The following C2orf76 variants were observed in gnomAD, a reference collection of about 807,000 sequenced individuals.
The protein encoded by C2orf76 is chromosome 2 open reading frame 76, also known as UPF0538 protein C2orf76.
A neutral mutation model predicts 16.9 loss-of-function variants in C2orf76; 23 were observed. That is an observed-to-expected ratio of 1.36 (90% CI 0.98 to 1.93). The LOEUF (loss-of-function observed/expected upper bound fraction) is 1.93. Among genes scored for constraint, C2orf76 ranks in the 30% most tolerant of loss-of-function variants. The pLI is 0.00. For synonymous variants in C2orf76, 48 were observed against 52.3 expected, an observed-to-expected ratio of 0.92 and a Z score of 0.35; for missense variants, 152 against 152.6, an observed-to-expected ratio of 1.00 and a Z score of 0.02.
chr2:119,336,308 G>A (rs780258872), intron 2 of C2orf76, among the ~76,000 whole-genome samples: 8 of 152,026 alleles, frequency 5.3e-5, no homozygotes, highest in Non-Finnish European at 8.8e-5. Context: ...CAGGAGAATC[G>A]CTTCAATTCA....
At chr2:119,298,389 A>G (rs962456227), downstream of C2orf76, among the ~76,000 whole-genome samples, 1 of 151,762 alleles carries the variant, frequency 6.6e-6, no homozygotes, top group Non-Finnish European at 1.5e-5. Context: ...TTTATTAGCT[A>G]TTGTTTCCAT....
the C2orf76 span, among the ~76,000 whole-genome samples, chr2:119,282,626 C>T: frequency 6.6e-6 from 1 of 152,168 alleles, no homozygotes; most frequent in African/African-American, 2.4e-5. Context: ...CCGTCTCTGC[C>T]GGCCCTGACG....
upstream of C2orf76, chr2:119,366,932 G>T: frequency 7.7e-7 from 1 of 1,301,704 alleles, no homozygotes; most frequent in South Asian, 1.2e-5. Context: ...GTGCTCGCCC[G>T]AGCAGGGTTG....
At chr2:119,334,202 G>A (rs1367026471) in intron 2 of C2orf76, among the ~76,000 whole-genome samples, 1 of 152,060 alleles carries the variant, frequency 6.6e-6, no homozygotes, top group Non-Finnish European at 1.5e-5. Context: ...AACAAAATCA[G>A]TAGTTGCCAA....
At chr2:119,290,925 G>C in the C2orf76 span, among the ~76,000 whole-genome samples, 1 of 152,134 alleles carries the variant, frequency 6.6e-6, no homozygotes, top group Admixed American at 6.6e-5. Flanking sequence ...TCTACAAGCT[G>C]ATGGCTTTGA....
At chr2:119,329,147 T>C (rs1679596995) in intron 2 of C2orf76, among the ~76,000 whole-genome samples, 1 of 152,226 alleles carries the variant, frequency 6.6e-6, no homozygotes, top group South Asian at 2.1e-4. Context: ...ACTGATTTTC[T>C]ATTTGTTCCA....
At chr2:119,295,454 C>T in the C2orf76 span, among the ~76,000 whole-genome samples, 1 of 152,148 alleles carries the variant, frequency 6.6e-6, no homozygotes, top group African/African-American at 2.4e-5. Flanking sequence ...TTGAAGATGA[C>T]AGCTCCCGAT....
downstream of C2orf76, chr2:119,302,199 ATAATT>A (rs1678636448): frequency 8.1e-6 from 2 of 247,726 alleles, no homozygotes; most frequent in South Asian, 1.7e-4. Context: ...AAAACAAATT[ATAATT>A]TAAGAATCAA....
At chr2:119,356,003 G>T (rs1468269533) in intron 1 of C2orf76, among the ~76,000 whole-genome samples, 1 of 152,122 alleles carries the variant, frequency 6.6e-6, no homozygotes, top group Non-Finnish European at 1.5e-5. Flanking sequence ...GACCACAGTG[G>T]AATCAAATTA....
chr2:119,311,477 C>T (rs777013657), intron 5 of C2orf76, 145 bp downstream of exon 5: 30 of 1,421,632 alleles, frequency 2.1e-5, no homozygotes, highest in Non-Finnish European at 2.6e-5. Context: ...CATTCTCATC[C>T]TCCTCCTCTG....
chr2:119,288,588 AGAGGACATC>A, the C2orf76 span, among the ~76,000 whole-genome samples: 1 of 152,056 alleles, frequency 6.6e-6, no homozygotes, highest in African/African-American at 2.4e-5. Context: ...AGACCCAGAG[AGAGGACATC>A]GAGGACAAGA....
At position 119,317,474 on chromosome 2, in the gene C2orf76, T is replaced by C; in HGVS notation, c.214A>G (p.Lys72Glu). The stretch of plus-strand genomic sequence containing the variant: ...GTACCTGTGGAACATACCTTTGATT[T>C]ATGTGCTTGATGAATAATCTTTAGT... ...DALKIIHQAHKSKTNELVLSL... is the reference protein window; with the variant it reads ...DALKIIHQAHESKTNELVLSL... The change falls in exon 4 of 6, where the codon AAA (lysine) becomes GAA (glutamate). Residue 72 changes from lysine (K) to glutamate (E), a missense_variant. Coordinates refer to ENST00000334816, the MANE Select transcript of C2orf76 (RefSeq NM_001322331.2). The C allele has an allele frequency of 6.2e-7, 1 of 1,603,708 alleles. No homozygotes were observed. Among genetic ancestry groups the C allele is most frequent in the South Asian group, 1.1e-5 (1 of 89,724 alleles).
At position 119,302,422 on chromosome 2, in the gene C2orf76, G is replaced by C; in HGVS notation, c.*50C>G. 1 of 714,250 alleles carries C rather than the reference G, an allele frequency of 1.4e-6. No homozygotes were observed. The highest frequency in any genetic ancestry group is 2.4e-4 in the Middle Eastern group (1 of 4,102). 44.2% of individuals were successfully genotyped at this position (714,250 alleles called of 1,614,324 possible). A position where few individuals can be genotyped will look rare whatever the true frequency, so the allele number is the denominator to read the frequency against. On this transcript the variant is annotated 3_prime_UTR_variant, in exon 6 of 6. Coordinates refer to ENST00000334816, the MANE Select transcript of C2orf76 (RefSeq NM_001322331.2). ...TGTCAATTTCAAAAATTCAGCAGTG[G>C]AATAAAGAGCTTAATACAGGTATGC...
rs535498953 is a variant in C2orf76, at chr2:119,341,865, T to C, written c.-12-1894A>G. Among the ~76,000 whole-genome samples the C allele has an allele frequency of 5.9e-5, 9 of 152,256 alleles. No individual in the cohort carries two copies. In the South Asian group the frequency reaches 1.2e-3, roughly 21 times the overall value. On this transcript the variant is annotated intron_variant, in intron 1 of 5. Coordinates refer to ENST00000334816, the MANE Select transcript of C2orf76 (RefSeq NM_001322331.2). ...TTACAAAGTCTAACAATACCTACTA[T>C]TGGCAAGGGTAGAGAACAATGAAAA...
intron 5 of C2orf76, among the ~76,000 whole-genome samples, chr2:119,303,482 T>C (rs1678680336): frequency 6.6e-6 from 1 of 152,222 alleles, no homozygotes; most frequent in Admixed American, 6.5e-5. Context: ...AGATTATTCG[T>C]AATGCATACT....
At chr2:119,311,452 G>C (rs1030544525) in intron 5 of C2orf76, 170 bp downstream of exon 5, 1 of 985,432 alleles carries the variant, frequency 1.0e-6, no homozygotes, top group Non-Finnish European at 1.2e-6. Context: ...TCAGCCAAGA[G>C]ATCGGAATGC....
At chr2:119,337,488 C>A (rs1002763529) in intron 2 of C2orf76, among the ~76,000 whole-genome samples, 2 of 152,074 alleles carry the variant, frequency 1.3e-5, no homozygotes, top group Non-Finnish European at 2.9e-5. Flanking sequence ...TAGTATAGTA[C>A]CTGATACAGA....
At chr2:119,360,609 A>C (rs1246357722) in intron 1 of C2orf76, among the ~76,000 whole-genome samples, 3 of 152,104 alleles carry the variant, frequency 2.0e-5, no homozygotes, top group Non-Finnish European at 4.4e-5. Context: ...ACTGTGACTC[A>C]TTTTGCTGTG....
At chr2:119,365,859 T>C (rs1183114874) in intron 1 of C2orf76, among the ~76,000 whole-genome samples, 1 of 152,108 alleles carries the variant, frequency 6.6e-6, no homozygotes, top group Non-Finnish European at 1.5e-5. Flanking sequence ...TTTCAAACCC[T>C]TTTACGATTT....
Sources: gnomAD v4.1 joint callset for allele counts (sites outside exome capture counted in the v4.1 genomes callset) on GRCh38, gnomAD v4.1.1 for gene constraint, MANE v1.5 for transcripts, NCBI Gene and HGNC (gene_info 2026-07-23, HGNC 2026-07-21) for gene names.